The following SLF1 variants were observed in gnomAD, a reference collection of about 807,000 sequenced individuals.
SLF1 encodes SMC5/6 complex localization factor 1.
Under a neutral mutation model 123.0 loss-of-function variants are expected in SLF1, and 105 were observed. The observed-to-expected ratio is 0.85, with a 90% CI of 0.73 to 1.00. The LOEUF is 1.00. SLF1 is among the 50% of genes least tolerant of loss of function. SLF1 has a pLI of 0.00. For missense variants in SLF1, 1,239 were observed against 1,223.0 expected (o/e 1.01, Z -0.20); for synonymous variants, 434 against 406.6 (o/e 1.07, Z -0.81).
At chr5:94,662,955 T>TAA (rs1273655543) in intron 10 of SLF1, among the ~76,000 whole-genome samples, 1 of 152,230 alleles carries the variant, frequency 6.6e-6, no homozygotes, top group Non-Finnish European at 1.5e-5. Context: ...GTGAAGCTCT[T>TAA]AGAGTTATAT....
chr5:94,664,969 G>A (rs1276009685), intron 11 of SLF1, among the ~76,000 whole-genome samples: 2 of 152,076 alleles, frequency 1.3e-5, no homozygotes, highest in Non-Finnish European at 2.9e-5. Flanking sequence ...TTTTCTTTTA[G>A]AGGTAATTGT....
intron 18 of SLF1, chr5:94,691,254 G>A (rs746495673): frequency 1.1e-5 from 3 of 267,972 alleles, no homozygotes; most frequent in Non-Finnish European, 2.1e-5. Flanking sequence ...TCATTTGGGG[G>A]TTTTATAGCA....
At chr5:94,683,471 T>C (rs1752056869) in intron 15 of SLF1, among the ~76,000 whole-genome samples, 1 of 152,222 alleles carries the variant, frequency 6.6e-6, no homozygotes, top group Admixed American at 6.5e-5. Context: ...AATATAAATA[T>C]GTCATTTAAA....
intron 8 of SLF1, among the ~76,000 whole-genome samples, chr5:94,653,804 C>T (rs559045777): frequency 1.7e-4 from 25 of 150,476 alleles, no homozygotes; most frequent in Non-Finnish European, 3.1e-4. Flanking sequence ...AATGAGATGT[C>T]TTGTTTTTAA....
chr5:94,652,610 G>A (rs1747872420), intron 7 of SLF1, among the ~76,000 whole-genome samples: 1 of 152,020 alleles, frequency 6.6e-6, no homozygotes, highest in Admixed American at 6.6e-5. Context: ...GTGTTTGATT[G>A]TTAAGTTTTT....
At chr5:94,676,624 A>G (rs556603952) in intron 14 of SLF1, among the ~76,000 whole-genome samples, 1 of 152,092 alleles carries the variant, frequency 6.6e-6, no homozygotes, top group African/African-American at 2.4e-5. Flanking sequence ...CCTCAGCCCC[A>G]CACTTGAGGG....
intron 4 of SLF1, among the ~76,000 whole-genome samples, chr5:94,633,671 A>G (rs1349146652): frequency 6.6e-6 from 1 of 152,200 alleles, no homozygotes; most frequent in Non-Finnish European, 1.5e-5. Flanking sequence ...TTTAACGAAG[A>G]TACTAGAAGA....
rs187192625 is a variant in SLF1 at position 94,653,432 on chromosome 5, T to C, written c.1032+11T>C. On this transcript the variant is annotated intron_variant, in intron 8 of 20. Transcript: ENST00000265140. ...TATAATAGAGATCAGGTAAAGTTTGTAAGCTAAGCTATAGCTTTCTTTTTT... is the reference window on the plus strand; with the variant it reads ...TATAATAGAGATCAGGTAAAGTTTGCAAGCTAAGCTATAGCTTTCTTTTTT... The C allele has an allele frequency of 2.7e-4, 397 of 1,480,882 alleles. 2 individuals carry two copies. The African/African-American group carries it at 5.1e-3, about 19-fold the overall frequency. 91.7% of individuals were successfully genotyped at this position (1,480,882 alleles called of 1,614,324 possible). A position where few individuals can be genotyped will look rare whatever the true frequency, so the allele number is the denominator to read the frequency against.
Position 94,678,907 on chromosome 5 carries a change from C to T in SLF1, c.1927C>T (p.Arg643Ter), listed in dbSNP as rs370026748. The change falls in exon 15 of 21, where the codon CGA (arginine) becomes TGA (stop). Residue 643 changes from arginine (R) to a stop codon, truncating the protein, a stop_gained. Coordinates refer to ENST00000265140, the MANE Select transcript of SLF1 (RefSeq NM_032290.4). LOFTEE classifies it high-confidence loss of function. ...LGLKMGRNVMRHMSDDLGSYV... is the reference protein window; with the variant it reads ...LGLKMGRNVM ...TCTTAAGATGGGTAGAAATGTGATG[C>T]GACACATGTCTGATGACTTAGGAAG... 6.6e-5 allele frequency: 106 copies of T among 1,613,442 alleles called. No homozygotes were observed. The highest frequency in any genetic ancestry group is 8.3e-5 in the Non-Finnish European group (98 of 1,179,756).
At chr5:94,635,717 T>C (rs1745695328) in intron 4 of SLF1, among the ~76,000 whole-genome samples, 1 of 152,188 alleles carries the variant, frequency 6.6e-6, no homozygotes, top group South Asian at 2.1e-4. Flanking sequence ...CCCCATTTTA[T>C]GTTTTGATGT....
At chr5:94,692,715 G>T (rs1753172918) in intron 20 of SLF1, among the ~76,000 whole-genome samples, 2 of 152,102 alleles carry the variant, frequency 1.3e-5, no homozygotes, top group South Asian at 4.1e-4. Context: ...GTAAAAAAAT[G>T]ATATCCTAGA....
chr5:94,633,717 A>G (rs1745457558), intron 4 of SLF1, among the ~76,000 whole-genome samples: 1 of 152,270 alleles, frequency 6.6e-6, no homozygotes, highest in Admixed American at 6.5e-5. Flanking sequence ...AAAAGACAAC[A>G]GATCACTGTA....
At chr5:94,638,802 AC>A (rs1004854846) in intron 4 of SLF1, among the ~76,000 whole-genome samples, 6 of 152,182 alleles carry the variant, frequency 3.9e-5, no homozygotes, top group African/African-American at 1.4e-4. Context: ...TTTGTCTGAT[AC>A]TAATATAGCC....
intron 4 of SLF1, among the ~76,000 whole-genome samples, chr5:94,635,137 G>A (rs200099946): frequency 4.4e-5 from 4 of 91,934 alleles, no homozygotes; most frequent in African/African-American, 1.2e-4. Context: ...AGTTTATCCC[G>A]TGTTTTTTTC....
chr5:94,681,637 A>C (rs1751782191), intron 15 of SLF1, among the ~76,000 whole-genome samples: 9 of 129,730 alleles, frequency 6.9e-5, no homozygotes, highest in South Asian at 2.9e-4. Context: ...CCCAATGCTA[A>C]CCCTCCCCCC....
intron 7 of SLF1, 146 bp downstream of exon 7, chr5:94,651,991 C>A: frequency 2.9e-6 from 1 of 340,554 alleles, no homozygotes; most frequent in African/African-American, 2.2e-5. Context: ...GTTTTTAAGA[C>A]CTGCTGTATT....
chr5:94,620,736 A>G (rs1387391039), intron 1 of SLF1, among the ~76,000 whole-genome samples: 2 of 152,232 alleles, frequency 1.3e-5, no homozygotes, highest in African/African-American at 4.8e-5. Context: ...GAATATACTA[A>G]TAGAAAATAT....
At chr5:94,642,526 C>T (rs1321856890) in intron 4 of SLF1, among the ~76,000 whole-genome samples, 1 of 152,118 alleles carries the variant, frequency 6.6e-6, no homozygotes, top group Non-Finnish European at 1.5e-5. Flanking sequence ...AGAGCTTATC[C>T]CTCTTCAGAA....
At position 94,688,581 on chromosome 5, in the gene SLF1, G is replaced by C. The variant is rs1236848855; in HGVS notation, c.2197G>C (p.Gly733Arg). 3.1e-6 allele frequency: 5 copies of C among 1,613,962 alleles called. No individual in the cohort carries two copies. The highest frequency in any genetic ancestry group is 4.2e-6 in the Non-Finnish European group (5 of 1,179,974). Residue 733 changes from glycine (G) to arginine (R), a missense_variant, in exon 17 of 21, where the codon GGA becomes CGA. Coordinates refer to ENST00000265140, the MANE Select transcript of SLF1 (RefSeq NM_032290.4). ...AAAGATTCAGGTGTCAAAGAAAATA[G>C]GACAGCGGCCTTGTTTTGACTCTCA... ...SGKIQVSKKI[G>R]QRPCFDSQRT...
Sources: gnomAD v4.1 joint callset for allele counts (sites outside exome capture counted in the v4.1 genomes callset) on GRCh38, gnomAD v4.1.1 for gene constraint, MANE v1.5 for transcripts, NCBI Gene and HGNC (gene_info 2026-07-23, HGNC 2026-07-21) for gene names.